The following ACAN variants were observed in gnomAD, a reference collection of about 807,000 sequenced individuals.
ACAN encodes aggrecan core protein.
A neutral mutation model predicts 169.1 loss-of-function variants in ACAN; 47 were observed. The observed-to-expected ratio is 0.28, with a 90% confidence interval of 0.22 to 0.35. The LOEUF is 0.35. Ranked by LOEUF, ACAN falls within the 10% of genes least tolerant of loss-of-function variation. ACAN has a pLI of 1.00. For missense variants in ACAN, 2,716 were observed against 2,759.9 expected (o/e 0.98, Z 0.36); for synonymous variants, 1,115 against 1,112.2 (o/e 1.00, Z -0.05).
rs926262750 is a variant in ACAN at position 88,871,753 on chromosome 15, C to A, written c.7219+213C>A. 6.6e-6 allele frequency among the ~76,000 whole-genome samples: 1 copy of A among 152,204 alleles called. No individual in the cohort carries two copies. Among genetic ancestry groups the A allele is most frequent in the Non-Finnish European group, 1.5e-5 (1 of 68,034 alleles). ...GGCTGCAGCCAGGGCAGACCCATTG[C>A]CAGCCAGAGTCAGCCCAAGACTAAG... is the stretch of plus-strand genomic sequence containing the variant. On this transcript the variant is annotated intron_variant, in intron 15 of 18. Transcript: ENST00000560601. This position sits in a 1 kb window ranked among gnomAD's most constrained non-coding sequence, Gnocchi z 7.8.
intron 1 of ACAN, among the ~76,000 whole-genome samples, chr15:88,812,836 A>C (rs1472587863): frequency 1.3e-5 from 2 of 151,998 alleles, no homozygotes; most frequent in African/African-American, 4.8e-5. Flanking sequence ...TTCTCACTGC[A>C]CCAAGGGGAG....
intron 9 of ACAN, among the ~76,000 whole-genome samples, chr15:88,848,332 A>G (rs544343078): frequency 6.6e-6 from 1 of 152,354 alleles, no homozygotes; most frequent in Non-Finnish European, 1.5e-5. Context: ...TTATAAATAA[A>G]CGCTATATAC....
chr15:88,866,757 G>A lies in ACAN; in HGVS notation c.6947-1459G>A, dbSNP rs58456802. The stretch of plus-strand genomic sequence containing the variant: ...CCAGCGTAAGGACTCAGAGGAAACC[G>A]CCTTTACCATCTCATCAGAAGGTTG... On this transcript the variant is annotated intron_variant, in intron 13 of 18. Coordinates refer to ENST00000560601, the MANE Select transcript of ACAN (RefSeq NM_001369268.1). This position sits in a 1 kb window ranked among gnomAD's most constrained non-coding sequence, Gnocchi z 5.6. 0.038 allele frequency among the ~76,000 whole-genome samples: 5,815 copies of A among 152,202 alleles called. 388 individuals are homozygous for A. The highest frequency in any genetic ancestry group is 0.13 in the African/African-American group (5,528 of 41,522).
chr15:88,822,726 G>A lies in ACAN; in HGVS notation c.-7-13474G>A, dbSNP rs182608986. On this transcript the variant is annotated intron_variant, in intron 1 of 18. Coordinates refer to ENST00000560601, the MANE Select transcript of ACAN (RefSeq NM_001369268.1). ...TGGGATTACAGGCGTGAGCCACCAC[G>A]CCTGGCCGCTAACTACATGTGTTCT... Among the ~76,000 whole-genome samples, 649 of 152,228 alleles carry A rather than the reference G, an allele frequency of 4.3e-3. 5 individuals carry two copies. The highest frequency in any genetic ancestry group is 6.8e-3 in the Middle Eastern group (2 of 294).
rs112828859 is a variant in ACAN at position 88,851,366 on chromosome 15, T to C, written c.2027-428T>C. On this transcript the variant is annotated intron_variant, in intron 10 of 18. Transcript: ENST00000560601. This position sits in a 1 kb window ranked among gnomAD's most constrained non-coding sequence, Gnocchi z 4.3. Reference sequence around the variant, plus strand: ...GTTCAGTAGTTGAGAGCGTGGAGTCTGGTACCAGATGCTTAAATTCAAAGA... The same window carrying C: ...GTTCAGTAGTTGAGAGCGTGGAGTCCGGTACCAGATGCTTAAATTCAAAGA... 534 of 161,078 alleles carry C rather than the reference T, an allele frequency of 3.3e-3. 4 individuals are homozygous for C. The highest frequency in any genetic ancestry group is 0.012 in the African/African-American group (515 of 41,744). The allele number at this position is 161,078 out of a possible 1,614,324, so 10.0% of individuals were successfully genotyped here.
chr15:88,841,624 T>C, intron 4 of ACAN, 116 bp from the exon 5 acceptor site: 1 of 1,331,934 alleles, frequency 7.5e-7, no homozygotes. Flanking sequence ...GAAGAGACAT[T>C]GTCAAATGCA....
Position 88,858,344 on chromosome 15 carries a change from G to A in ACAN, c.5759G>A (p.Gly1920Glu). The A allele has an allele frequency of 6.2e-7, 1 of 1,613,974 alleles. No individual in the cohort carries two copies. Among genetic ancestry groups the A allele is most frequent in the Non-Finnish European group, 8.5e-7 (1 of 1,179,894 alleles). The change falls in exon 12 of 19, where the codon GGA becomes GAA. Residue 1920 changes from glycine to glutamate, a missense_variant. Coordinates refer to ENST00000560601, the MANE Select transcript of ACAN (RefSeq NM_001369268.1). The surrounding 1 kb of genome is among the most constrained non-coding windows in gnomAD (Gnocchi z 4.0). Reference sequence around the variant, plus strand: ...GAGATTGGGAGCAGCCTGCCCTCGGGAGCATATTATGGCAGTGGAACTCCA... The same window carrying A: ...GAGATTGGGAGCAGCCTGCCCTCGGAAGCATATTATGGCAGTGGAACTCCA... The part of the protein sequence containing the change: ...RAEIGSSLPS[G>E]AYYGSGTPSS...
At chr15:88,833,890 C>G (rs1015440906) in intron 1 of ACAN, among the ~76,000 whole-genome samples, 1 of 151,862 alleles carries the variant, frequency 6.6e-6, no homozygotes, top group African/African-American at 2.4e-5. Context: ...AAAACATACA[C>G]ACAACCTCCC....
Position 88,858,316 on chromosome 15 carries a change from G to A in ACAN, c.5731G>A (p.Ala1911Thr), listed in dbSNP as rs757101081. 5 of 1,613,970 alleles carry A rather than the reference G, an allele frequency of 3.1e-6. No homozygotes were observed. The highest frequency in any genetic ancestry group is 4.2e-6 in the Non-Finnish European group (5 of 1,179,898). The change falls in exon 12 of 19, where the codon GCT (alanine) becomes ACT (threonine). Residue 1911 changes from alanine to threonine, a missense_variant. Physicochemically the swap from Ala to Thr is moderately conservative, Grantham distance 58. Coordinates refer to ENST00000560601, the MANE Select transcript of ACAN (RefSeq NM_001369268.1). This position sits in a 1 kb window ranked among gnomAD's most constrained non-coding sequence, Gnocchi z 4.0. Reference protein sequence around the residue: ...IAEVSGESSRAEIGSSLPSGA... With the variant: ...IAEVSGESSRTEIGSSLPSGA... ...TGAGGTCAGTGGAGAATCCTCCAGA[G>A]CTGAGATTGGGAGCAGCCTGCCCTC...
At chr15:88,812,908 T>C (rs866418771) in intron 1 of ACAN, among the ~76,000 whole-genome samples, 29 of 152,238 alleles carry the variant, frequency 1.9e-4, no homozygotes, top group Middle Eastern at 6.8e-3. Flanking sequence ...GGACCTTTTC[T>C]CCCTTGGTTC....
chr15:88,832,707 A>G (rs1896395064), intron 1 of ACAN, among the ~76,000 whole-genome samples: 1 of 152,252 alleles, frequency 6.6e-6, no homozygotes, highest in Admixed American at 6.5e-5. Context: ...GTTGTGTTTG[A>G]AATGAATGCA....
At chr15:88,836,980 C>A (rs748095898) in intron 2 of ACAN, among the ~76,000 whole-genome samples, 1 of 152,240 alleles carries the variant, frequency 6.6e-6, no homozygotes, top group African/African-American at 2.4e-5. Flanking sequence ...GAAGGGGAGT[C>A]AGCAGGGCCA....
At position 88,858,850 on chromosome 15, in the gene ACAN, T is replaced by A. The variant is rs1302191484; in HGVS notation, c.6265T>A (p.Ser2089Thr). Residue 2089 changes from serine (S) to threonine (T), a missense_variant, in exon 12 of 19, where the codon TCT (serine) becomes ACT (threonine). Ser to Thr is a moderately conservative substitution (Grantham distance 58). This residue lies in a region of ACAN where 1,389 missense variants were observed against 1,363.7 expected (regional missense o/e 1.02). Coordinates refer to ENST00000560601, the MANE Select transcript of ACAN (RefSeq NM_001369268.1). This position sits in a 1 kb window ranked among gnomAD's most constrained non-coding sequence, Gnocchi z 4.0. ...TGGAGCTACCCCAGTGCTCCCTGGG[T>A]CTGGAGTAGAAGTATCATCAGTCCC... ...ISGATPVLPG[S>T]GVEVSSVPES... The A allele has an allele frequency of 6.2e-7, 1 of 1,613,180 alleles. No homozygotes were observed. Among genetic ancestry groups the A allele is most frequent in the African/African-American group, 1.3e-5 (1 of 74,814 alleles).
In ACAN at chr15:88,849,653, G is replaced by T; in HGVS notation, c.1948G>T (p.Val650Leu). 6.2e-7 allele frequency: 1 copy of T among 1,613,654 alleles called. No homozygotes were observed. Among genetic ancestry groups the T allele is most frequent in the Non-Finnish European group, 8.5e-7 (1 of 1,179,844 alleles). The part of the protein sequence containing the change: ...RPACGGDKPG[V>L]RTVYLYPNQT... ...TGCCTGCGGTGGGGACAAGCCAGGC[G>T]TGAGAACGGTCTACCTCTACCCTAA... The change falls in exon 10 of 19, where the codon GTG becomes TTG. Residue 650 changes from valine (V) to leucine (L), a missense_variant. Physicochemically the swap from Val to Leu is conservative, Grantham distance 32. This residue lies in a region of ACAN where 1,283 missense variants were observed against 1,281.5 expected (regional missense o/e 1.00). Transcript: ENST00000560601. This position sits in a 1 kb window ranked among gnomAD's most constrained non-coding sequence, Gnocchi z 5.1.
intron 1 of ACAN, among the ~76,000 whole-genome samples, chr15:88,818,017 T>G (rs1895985582): frequency 6.6e-6 from 1 of 152,232 alleles, no homozygotes; most frequent in Non-Finnish European, 1.5e-5. Flanking sequence ...AATTGTATTC[T>G]ATGTGTTATT....
chr15:88,859,529 G>A, intron 12 of ACAN, 112 bp downstream of exon 12: 1 of 1,431,156 alleles, frequency 7.0e-7, no homozygotes, highest in Non-Finnish European at 9.6e-7. Flanking sequence ...CTCCACCAAA[G>A]GTTAGCTGTG....
At position 88,857,915 on chromosome 15, in the gene ACAN, G is replaced by A. The variant is rs755500324; in HGVS notation, c.5330G>A (p.Ser1777Asn). The change falls in exon 12 of 19, where the codon AGT becomes AAT. Residue 1777 changes from serine to asparagine, a missense_variant. Physicochemically the swap from Ser to Asn is conservative, Grantham distance 46. Transcript: ENST00000560601. Reference sequence around the variant, plus strand: ...GCATCTGGAGTTCTTTATGGCACTAGTCAACCCTTTGGCATAACTGATCTG... The same window carrying A: ...GCATCTGGAGTTCTTTATGGCACTAATCAACCCTTTGGCATAACTGATCTG... The part of the protein sequence containing the change: ...GEASGVLYGT[S>N]QPFGITDLSG... The A allele has an allele frequency of 3.7e-6, 6 of 1,613,438 alleles. No homozygotes were observed. In the East Asian group the frequency reaches 1.1e-4, roughly 30 times the overall value.
chr15:88,815,246 C>T (rs1895909873), intron 1 of ACAN, among the ~76,000 whole-genome samples: 1 of 151,932 alleles, frequency 6.6e-6, no homozygotes, highest in Admixed American at 6.6e-5. Flanking sequence ...CCAAGAAAGC[C>T]ACAAAGATTG....
chr15:88,863,546 C>G (rs1251996767), intron 13 of ACAN, among the ~76,000 whole-genome samples: 1 of 152,208 alleles, frequency 6.6e-6, no homozygotes, highest in Non-Finnish European at 1.5e-5. Flanking sequence ...ACTGTTCTAA[C>G]CAGATCTCAC....
Sources: gnomAD v4.1 joint callset for allele counts (sites outside exome capture counted in the v4.1 genomes callset) on GRCh38, gnomAD v4.1.1 for gene constraint, gnomAD v4.1.1 regional missense constraint, Gnocchi (gnomAD v3.1) non-coding constraint, MANE v1.5 for transcripts, NCBI Gene and HGNC (gene_info 2026-07-23, HGNC 2026-07-21) for gene names.